SYT16: variants seen among roughly 807,000 people sequenced by gnomAD.
SYT16 encodes synaptotagmin 16.
In SYT16, 42 loss-of-function variants were observed where a neutral mutation model predicts 61.4. The observed-to-expected ratio is 0.68, with a 90% CI of 0.53 to 0.89. The LOEUF (loss-of-function observed/expected upper bound fraction) is 0.89, where lower values mean the gene tolerates loss of function less well. Among genes scored for constraint, SYT16 ranks in the 40% least tolerant of loss-of-function variants. SYT16 has a pLI of 0.00. For synonymous variants in SYT16, 314 were observed against 302.3 expected, an observed-to-expected ratio of 1.04 and a Z score of -0.40; for missense variants, 804 against 807.3, an observed-to-expected ratio of 1.00 and a Z score of 0.05.
At chr14:62,049,695 T>C (rs2055178930) in intron 3 of SYT16, among the ~76,000 whole-genome samples, 1 of 152,182 alleles carries the variant, frequency 6.6e-6, no homozygotes, top group Non-Finnish European at 1.5e-5. Flanking sequence ...CTCTCAGCAT[T>C]TGCTTGTCTG....
At chr14:61,973,069 G>A (rs2140533137) in intron 2 of SYT16, among the ~76,000 whole-genome samples, 1 of 152,200 alleles carries the variant, frequency 6.6e-6, no homozygotes, top group East Asian at 1.9e-4. Flanking sequence ...ATCAGAAACT[G>A]AATTATTTTA....
Position 61,990,355 on chromosome 14 carries a change from C to T in SYT16, c.-144-5521C>T, listed in dbSNP as rs544488193. On this transcript the variant is annotated intron_variant, in intron 2 of 7. Transcript: ENST00000683842. Reference sequence around the variant, plus strand: ...AAGTTAACTGAAAGCTATGAGAAGACACTTGAAATAAACCCATGGTTCTTG... The same window carrying T: ...AAGTTAACTGAAAGCTATGAGAAGATACTTGAAATAAACCCATGGTTCTTG... Among the ~76,000 whole-genome samples, 3 of 152,270 alleles carry T rather than the reference C, an allele frequency of 2.0e-5. No homozygotes were observed. The East Asian group carries it at 5.8e-4, about 29-fold the overall frequency.
intron 1 of SYT16, among the ~76,000 whole-genome samples, chr14:61,885,450 G>T (rs757977909): frequency 1.3e-5 from 2 of 152,142 alleles, no homozygotes; most frequent in East Asian, 3.8e-4. Flanking sequence ...TTCTCTTGTG[G>T]CATTCAGGGA....
rs1385599214 is a variant in SYT16 at position 62,111,154 on chromosome 14, C to T, written c.*10447C>T. 1.3e-5 allele frequency: 2 copies of T among 152,012 alleles called. No individual in the cohort carries two copies. Among genetic ancestry groups the T allele is most frequent in the Admixed American group, 6.6e-5 (1 of 15,256 alleles). 9.4% of individuals were successfully genotyped at this position (152,012 alleles called of 1,614,324 possible). A position where few individuals can be genotyped will look rare whatever the true frequency, so the allele number is the denominator to read the frequency against. ...TGTTCACATTCACACATTTATGTTT[C>T]ACCATATGCATACTGTGTACAGCTC... is the stretch of plus-strand genomic sequence containing the variant. On this transcript the variant is annotated 3_prime_UTR_variant, in exon 8 of 8. Transcript: ENST00000683842.
In SYT16 at chr14:62,008,926, A is replaced by G. The variant is rs560474270; in HGVS notation, c.523+12384A>G. Among the ~76,000 whole-genome samples, 8 of 152,266 alleles carry G rather than the reference A, an allele frequency of 5.3e-5. No homozygotes were observed. In the East Asian group the frequency reaches 1.2e-3, roughly 22 times the overall value. ...TATTAAAAATAATTCTGCAATATTAATATCTCTTTGAGCACATATACTGGA... is the reference window on the plus strand; with the variant it reads ...TATTAAAAATAATTCTGCAATATTAGTATCTCTTTGAGCACATATACTGGA... On this transcript the variant is annotated intron_variant, in intron 3 of 7. Coordinates refer to ENST00000683842, the MANE Select transcript of SYT16 (RefSeq NM_001367656.1).
At chr14:61,829,088 A>G (rs2045858492) in intron 1 of SYT16, among the ~76,000 whole-genome samples, 1 of 152,234 alleles carries the variant, frequency 6.6e-6, no homozygotes, top group Non-Finnish European at 1.5e-5. Context: ...AAAGTTTGCT[A>G]AAACCTATTT....
At chr14:61,864,755 A>T (rs374359159) in intron 1 of SYT16, 11 of 969,290 alleles carry the variant, frequency 1.1e-5, no homozygotes, top group Middle Eastern at 2.2e-4. Context: ...CTGGTTAATG[A>T]CGCATGTGGC....
At chr14:62,048,706 C>G (rs1475908404) in intron 3 of SYT16, among the ~76,000 whole-genome samples, 1 of 152,150 alleles carries the variant, frequency 6.6e-6, no homozygotes, top group Non-Finnish European at 1.5e-5. Flanking sequence ...CAAAGAACAT[C>G]TTTATGTCTG....
At chr14:61,938,059 A>ACAC (rs1555359670) in intron 1 of SYT16, among the ~76,000 whole-genome samples, 38 of 151,916 alleles carry the variant, frequency 2.5e-4, no homozygotes, top group Non-Finnish European at 4.9e-4. Context: ...ACACACACAC[A>ACAC]GAGTGTTTCA....
At chr14:62,046,227 T>C (rs1472080722) in intron 3 of SYT16, among the ~76,000 whole-genome samples, 1 of 152,194 alleles carries the variant, frequency 6.6e-6, no homozygotes, top group Non-Finnish European at 1.5e-5. Flanking sequence ...TTTTCATGTG[T>C]TTTTTGGCTG....
chr14:61,854,545 G>T (rs2046718663), intron 1 of SYT16, among the ~76,000 whole-genome samples: 1 of 152,124 alleles, frequency 6.6e-6, no homozygotes, highest in East Asian at 1.9e-4. Context: ...TTTTTCACAT[G>T]TTCAATGTTT....
intron 3 of SYT16, among the ~76,000 whole-genome samples, chr14:62,044,361 G>A (rs1236160837): frequency 6.6e-6 from 1 of 152,108 alleles, no homozygotes; most frequent in Non-Finnish European, 1.5e-5. Flanking sequence ...GTATACACAT[G>A]CCATGGTGGT....
chr14:62,023,326 T>C (rs572698719), intron 3 of SYT16, among the ~76,000 whole-genome samples: 3 of 152,270 alleles, frequency 2.0e-5, no homozygotes, highest in African/African-American at 7.2e-5. Flanking sequence ...AGTCCAAGTA[T>C]TTATCAAGTG....
rs905986696 is a variant in SYT16, at chr14:62,111,599, A to G, written c.*10892A>G. ...TCTTCCTCTAGATTTCTAAGTCACT[A>G]GAAGAATTTCTTGGCAAATTGATTG... On this transcript the variant is annotated 3_prime_UTR_variant, in exon 8 of 8. Coordinates refer to ENST00000683842, the MANE Select transcript of SYT16 (RefSeq NM_001367656.1). 4.6e-5 allele frequency: 7 copies of G among 152,114 alleles called. No homozygotes were observed. The highest frequency in any genetic ancestry group is 7.4e-5 in the Non-Finnish European group (5 of 67,958). 9.4% of individuals were successfully genotyped at this position (152,114 alleles called of 1,614,324 possible).
At chr14:62,005,295 G>A (rs2053176534) in intron 3 of SYT16, among the ~76,000 whole-genome samples, 1 of 152,102 alleles carries the variant, frequency 6.6e-6, no homozygotes, top group Admixed American at 6.6e-5. Context: ...CCTTTATTGA[G>A]ACTTTTGTTT....
At chr14:61,944,789 A>G (rs1383451463) in intron 1 of SYT16, among the ~76,000 whole-genome samples, 1 of 152,230 alleles carries the variant, frequency 6.6e-6, no homozygotes, top group African/African-American at 2.4e-5. Context: ...CAAACCCTAG[A>G]AGAAAACCTA....
In SYT16 at chr14:62,084,242, G is replaced by A. The variant is rs1208775904; in HGVS notation, c.1481G>A (p.Ser494Asn). Residue 494 changes from serine to asparagine, a missense_variant, in exon 7 of 8, where the codon AGT (serine) becomes AAT (asparagine). By Grantham distance (46) the Ser-to-Asn change is conservative. Coordinates refer to ENST00000683842, the MANE Select transcript of SYT16 (RefSeq NM_001367656.1). The stretch of plus-strand genomic sequence containing the variant: ...CCATCTGCGGTTTCTCACAGTGATA[G>A]TACTTCATCCACGCAGTCGCTGTCT... ...LSPSAVSHSD[S>N]TSSTQSLSHG... 1 of 1,613,948 alleles carries A rather than the reference G, an allele frequency of 6.2e-7. No homozygotes were observed. Among genetic ancestry groups the A allele is most frequent in the South Asian group, 1.1e-5 (1 of 91,076 alleles).
At chr14:61,952,004 G>C (rs757490588) in intron 1 of SYT16, among the ~76,000 whole-genome samples, 1 of 152,068 alleles carries the variant, frequency 6.6e-6, no homozygotes, top group Non-Finnish European at 1.5e-5. Context: ...GCCCAGGCTG[G>C]TTTCGAACTC....
intron 1 of SYT16, among the ~76,000 whole-genome samples, chr14:61,902,900 G>C (rs1339932218): frequency 6.6e-6 from 1 of 152,174 alleles, no homozygotes; most frequent in Non-Finnish European, 1.5e-5. Context: ...GGGGGAAACT[G>C]CTCCCATGAT....
Sources: allele counts gnomAD v4.1 joint callset (sites outside exome capture counted in the v4.1 genomes callset), GRCh38; gene constraint gnomAD v4.1.1; transcripts MANE v1.5; gene names NCBI Gene and HGNC (gene_info 2026-07-23, HGNC 2026-07-21).